The following AHI1 variants were observed in gnomAD, a reference collection of about 807,000 sequenced individuals.
AHI1 encodes jouberin.
A neutral mutation model predicts 149.3 loss-of-function variants in AHI1; 123 were observed. That is an observed-to-expected ratio of 0.82 (90% CI 0.71 to 0.96). AHI1 has a LOEUF of 0.96. AHI1 is among the 40% of genes least tolerant of loss of function. AHI1 has a pLI of 0.00. For missense variants in AHI1, 1,439 were observed against 1,422.7 expected (o/e 1.01, Z -0.18); for synonymous variants, 475 against 459.8 (o/e 1.03, Z -0.42).
intron 16 of AHI1, among the ~76,000 whole-genome samples, chr6:135,432,611 CAAA>C (rs1477546842): frequency 6.6e-6 from 1 of 152,134 alleles, no homozygotes; most frequent in Non-Finnish European, 1.5e-5. Context: ...CTCAGCCTCC[CAAA>C]GTGCTGGGAT....
chr6:135,386,893 G>T (rs1252385411), intron 23 of AHI1, among the ~76,000 whole-genome samples: 1 of 151,960 alleles, frequency 6.6e-6, no homozygotes, highest in African/African-American at 2.4e-5. Flanking sequence ...GGCCTCCCAA[G>T]GGGATCATAA....
At chr6:135,302,600 T>C (rs1784010551) in intron 26 of AHI1, 6 of 1,129,268 alleles carry the variant, frequency 5.3e-6, no homozygotes, top group Non-Finnish European at 6.6e-6. Context: ...TGTGTTCAAA[T>C]TATATGAATC....
At position 135,339,222 on chromosome 6, in the gene AHI1, G is replaced by A. The variant is rs539891321; in HGVS notation, c.3166-15898C>T. On this transcript the variant is annotated intron_variant, in intron 24 of 28. Coordinates refer to ENST00000265602, the MANE Select transcript of AHI1 (RefSeq NM_001134831.2). ...TAGGTGGTGATATGAGTTAGGACTA[G>A]AGAAATTAATTTCCAGTTTGCCACA... 4.0e-3 allele frequency among the ~76,000 whole-genome samples: 613 copies of A among 152,294 alleles called. 1 individual carries two copies. The highest frequency in any genetic ancestry group is 0.014 in the African/African-American group (590 of 41,564).
At chr6:135,379,569 T>C (rs568822537) in intron 23 of AHI1, among the ~76,000 whole-genome samples, 63 of 152,332 alleles carry the variant, frequency 4.1e-4, no homozygotes, top group Non-Finnish European at 8.1e-4. Flanking sequence ...TCATTCCTTT[T>C]ACAGCAAATA....
chr6:135,401,515 A>G (rs949180524), intron 22 of AHI1, among the ~76,000 whole-genome samples: 2 of 152,216 alleles, frequency 1.3e-5, no homozygotes, highest in African/African-American at 4.8e-5. Context: ...GATCTAATAG[A>G]TGATAAACTG....
At chr6:135,315,633 A>C (rs1785831805) in intron 26 of AHI1, among the ~76,000 whole-genome samples, 3 of 152,142 alleles carry the variant, frequency 2.0e-5, no homozygotes, top group Admixed American at 2.0e-4. Flanking sequence ...TGAAGAAGAA[A>C]AAATCCAACT....
At chr6:135,437,857 G>C (rs1785642333) in intron 15 of AHI1, among the ~76,000 whole-genome samples, 1 of 152,158 alleles carries the variant, frequency 6.6e-6, no homozygotes. Flanking sequence ...ATGTTTTATT[G>C]TGATACTTAT....
chr6:135,295,596 G>C (rs2128344595), intron 27 of AHI1, among the ~76,000 whole-genome samples: 1 of 152,282 alleles, frequency 6.6e-6, no homozygotes, highest in Middle Eastern at 3.4e-3. Flanking sequence ...TAGCCGCAAA[G>C]TGGAAATGAT....
At chr6:135,465,185 G>T (rs1303977837) in intron 7 of AHI1, among the ~76,000 whole-genome samples, 1 of 152,056 alleles carries the variant, frequency 6.6e-6, no homozygotes, top group Admixed American at 6.5e-5. Context: ...AGAACTGCAG[G>T]GGGGAACAAA....
intron 27 of AHI1, chr6:135,297,600 A>G (rs1051538448): frequency 2.3e-6 from 1 of 442,910 alleles, no homozygotes; most frequent in Admixed American, 2.4e-5. Flanking sequence ...TGCTTCTTTA[A>G]TATCTCTCAA....
chr6:135,472,631 GTTAC>G (rs1484423461), intron 5 of AHI1, among the ~76,000 whole-genome samples: 3 of 152,280 alleles, frequency 2.0e-5, no homozygotes, highest in Non-Finnish European at 4.4e-5. Context: ...GAGAGTTCCA[GTTAC>G]TTACCATCCT....
chr6:135,383,497 T>C (rs1460707231), intron 23 of AHI1, among the ~76,000 whole-genome samples: 2 of 152,034 alleles, frequency 1.3e-5, no homozygotes, highest in African/African-American at 2.4e-5. Flanking sequence ...GGGATTACAT[T>C]GGTATGGTAT....
At chr6:135,416,956 A>AT (rs1782470359) in intron 20 of AHI1, among the ~76,000 whole-genome samples, 5 of 152,048 alleles carry the variant, frequency 3.3e-5, no homozygotes. Context: ...TTTGACTATT[A>AT]TTTTTCATTA....
intron 23 of AHI1, among the ~76,000 whole-genome samples, chr6:135,363,762 G>T (rs140904822): frequency 1.5e-5 from 2 of 133,552 alleles, no homozygotes; most frequent in Non-Finnish European, 1.6e-5. Flanking sequence ...CTGGCCGGGC[G>T]GGGGTTGACC....
intron 20 of AHI1, among the ~76,000 whole-genome samples, chr6:135,426,717 T>A (rs1049822146): frequency 2.6e-5 from 4 of 151,688 alleles, no homozygotes; most frequent in Non-Finnish European, 4.4e-5. Context: ...TATTTCCTTA[T>A]TATTTCTCAG....
chr6:135,290,763 T>C (rs1402257212), intron 27 of AHI1, among the ~76,000 whole-genome samples: 1 of 152,176 alleles, frequency 6.6e-6, no homozygotes, highest in Admixed American at 6.5e-5. Context: ...TTCTTAGCCA[T>C]GATAAAGGGA....
Position 135,323,289 on chromosome 6 carries a change from T to G in AHI1, c.3201A>C (p.Ser1067=), listed in dbSNP as rs1392893126. 1.2e-6 allele frequency: 2 copies of G among 1,613,660 alleles called. No individual in the cohort carries two copies. The highest frequency in any genetic ancestry group is 1.1e-5 in the South Asian group (1 of 91,006). Reference sequence around the variant, plus strand: ...CTCCGCGATGGATGGTTAGTTCATCTGATCGATTCGCTGTGTAGTCATAAA... The same window carrying G: ...CTCCGCGATGGATGGTTAGTTCATCGGATCGATTCGCTGTGTAGTCATAAA... ...VALYDYTANR[S]DELTIHRGDI... Residue 1067 remains serine, a synonymous_variant, in exon 25 of 29, where the codon TCA becomes TCC. Coordinates refer to ENST00000265602, the MANE Select transcript of AHI1 (RefSeq NM_001134831.2).
intron 26 of AHI1, among the ~76,000 whole-genome samples, chr6:135,314,391 C>T (rs1433190459): frequency 1.3e-5 from 2 of 152,214 alleles, no homozygotes; most frequent in African/African-American, 2.4e-5. Context: ...CATGAACTTT[C>T]CAGCTTCCAG....
intron 27 of AHI1, among the ~76,000 whole-genome samples, chr6:135,295,946 G>A (rs192752203): frequency 6.6e-6 from 1 of 152,118 alleles, no homozygotes. Context: ...TCCACCTCCC[G>A]GGTTCAAGCG....
Sources: allele counts gnomAD v4.1 joint callset (sites outside exome capture counted in the v4.1 genomes callset), GRCh38; gene constraint gnomAD v4.1.1; transcripts MANE v1.5; gene names NCBI Gene and HGNC (gene_info 2026-07-23, HGNC 2026-07-21).